The following MYT1L variants were observed in gnomAD, a reference collection of about 807,000 sequenced individuals.
MYT1L encodes myelin transcription factor 1-like protein.
A neutral mutation model predicts 126.7 loss-of-function variants in MYT1L; 12 were observed. The observed-to-expected ratio is 0.09, with a 90% CI of 0.06 to 0.15. MYT1L has a LOEUF of 0.15. Among genes scored for constraint, MYT1L ranks in the 10% least tolerant of loss-of-function variants. The pLI, the probability that MYT1L is intolerant of heterozygous loss-of-function variation, is 1.00. For missense variants in MYT1L, 979 were observed against 1,585.2 expected (o/e 0.62, Z 6.49); for synonymous variants, 541 against 604.2 (o/e 0.90, Z 1.53).
At chr2:2,310,272 T>C (rs1051484884) in intron 1 of MYT1L, among the ~76,000 whole-genome samples, 4 of 152,060 alleles carry the variant, frequency 2.6e-5, no homozygotes, top group African/African-American at 9.7e-5. Context: ...ATCAGAACAC[T>C]CTATGTAGAC....
In MYT1L at chr2:2,047,232, T is replaced by A. The variant is rs539731056; in HGVS notation, c.-158+6746A>T. ...GCAGTATCTATGTTTAAGTTTAATGTCTTACATGGACCTAAATATGCTCTT... is the reference window on the plus strand; with the variant it reads ...GCAGTATCTATGTTTAAGTTTAATGACTTACATGGACCTAAATATGCTCTT... On this transcript the variant is annotated intron_variant, in intron 4 of 24. Coordinates refer to ENST00000647738, the MANE Select transcript of MYT1L (RefSeq NM_001303052.2). Among the ~76,000 whole-genome samples the A allele has an allele frequency of 2.6e-5, 4 of 152,358 alleles. No homozygotes were observed. The East Asian group carries it at 7.7e-4, about 29-fold the overall frequency.
rs1014932497 is a variant in MYT1L at position 2,224,485 on chromosome 2, T to G, written c.-420-51497A>C. ...AAAAGGAATTAGATTAGGTTCAGCC[T>G]CATCGCACCCCATGCCATAACTATT... is the stretch of plus-strand genomic sequence containing the variant. On this transcript the variant is annotated intron_variant, in intron 2 of 24. Transcript: ENST00000647738. The surrounding 1 kb of genome is among the most constrained non-coding windows in gnomAD (Gnocchi z 4.0). Among the ~76,000 whole-genome samples, 1 of 152,132 alleles carries G rather than the reference T, an allele frequency of 6.6e-6. No homozygotes were observed. Among genetic ancestry groups the G allele is most frequent in the South Asian group, 2.1e-4 (1 of 4,824 alleles).
At chr2:1,897,276 G>A (rs937393388) in intron 14 of MYT1L, among the ~76,000 whole-genome samples, 8 of 152,142 alleles carry the variant, frequency 5.3e-5, no homozygotes, top group African/African-American at 1.9e-4. Context: ...AGTATCTTTT[G>A]GACCACAATC....
In MYT1L at chr2:2,180,883, T is replaced by A. The variant is rs1453141097; in HGVS notation, c.-420-7895A>T. The stretch of plus-strand genomic sequence containing the variant: ...CTGTGTGTGCACCTGTATCCGTACC[T>A]GTGTGTGTACCTCTGTGCTTGTGTA... On this transcript the variant is annotated intron_variant, in intron 2 of 24. Transcript: ENST00000647738. Among the ~76,000 whole-genome samples the A allele has an allele frequency of 4.0e-5, 6 of 148,634 alleles. No individual in the cohort carries two copies. The East Asian group carries it at 1.2e-3, about 29-fold the overall frequency.
intron 14 of MYT1L, among the ~76,000 whole-genome samples, chr2:1,894,073 T>C (rs1487681272): frequency 3.9e-5 from 6 of 152,232 alleles, no homozygotes; most frequent in Non-Finnish European, 8.8e-5. Context: ...ACAAAACCCA[T>C]GAAATACAAT....
At chr2:1,884,183 A>C (rs926614763) in intron 18 of MYT1L, 1 of 152,238 alleles carries the variant, frequency 6.6e-6, no homozygotes, top group African/African-American at 2.4e-5. Context: ...TGTATTGTAG[A>C]GAATAATTTT....
chr2:2,293,953 C>A (rs1221579603), intron 1 of MYT1L, among the ~76,000 whole-genome samples: 1 of 152,120 alleles, frequency 6.6e-6, no homozygotes, highest in South Asian at 2.1e-4. Flanking sequence ...GGGAAGGCAA[C>A]GGCCACCAGC....
chr2:1,934,035 T>A (rs563498316), intron 9 of MYT1L, among the ~76,000 whole-genome samples: 1 of 141,730 alleles, frequency 7.1e-6, no homozygotes, highest in Non-Finnish European at 1.5e-5. Flanking sequence ...AGTGCAGTGG[T>A]GCGATCTCGG....
intron 4 of MYT1L, among the ~76,000 whole-genome samples, chr2:2,036,862 A>G (rs1329166081): frequency 6.6e-6 from 1 of 152,088 alleles, no homozygotes. Context: ...AGCTTCCACC[A>G]CACTTCAATT....
intron 2 of MYT1L, among the ~76,000 whole-genome samples, chr2:2,212,430 T>C (rs1238903563): frequency 6.6e-6 from 1 of 152,200 alleles, no homozygotes; most frequent in Non-Finnish European, 1.5e-5. Context: ...ATACATACTA[T>C]TTTATAACAA....
Position 1,809,172 on chromosome 2 carries a change from G to A in MYT1L, c.3081-5C>T. 3 of 1,613,854 alleles carry A rather than the reference G, an allele frequency of 1.9e-6. No individual in the cohort carries two copies. The highest frequency in any genetic ancestry group is 2.5e-6 in the Non-Finnish European group (3 of 1,179,732). ...GCTCTCGGGCATCCTGACAAGCTGTGGACAAGACACAGGACGGCCATTAGT... is the reference window on the plus strand; with the variant it reads ...GCTCTCGGGCATCCTGACAAGCTGTAGACAAGACACAGGACGGCCATTAGT... On this transcript the variant is annotated splice_region_variant and splice_polypyrimidine_tract_variant and intron_variant, in intron 21 of 24. Transcript: ENST00000647738.
At chr2:2,274,537 A>G (rs1009647497) in intron 2 of MYT1L, among the ~76,000 whole-genome samples, 2 of 152,198 alleles carry the variant, frequency 1.3e-5, no homozygotes, top group African/African-American at 4.8e-5. Flanking sequence ...CTCTATTGCT[A>G]GTATTGGAAG....
chr2:2,005,578 G>T (rs1171559175), intron 4 of MYT1L, among the ~76,000 whole-genome samples: 1 of 150,350 alleles, frequency 6.7e-6, no homozygotes, highest in Non-Finnish European at 1.5e-5. Context: ...TTTCCTGCAT[G>T]CATTCTTTCC....
At chr2:1,975,634 C>T (rs1260221829) in intron 8 of MYT1L, among the ~76,000 whole-genome samples, 4 of 152,050 alleles carry the variant, frequency 2.6e-5, no homozygotes, top group South Asian at 2.1e-4. Context: ...GAGGCTGAGG[C>T]GGGTGGATCA....
intron 14 of MYT1L, among the ~76,000 whole-genome samples, chr2:1,898,539 C>T (rs2049917165): frequency 6.6e-6 from 1 of 152,246 alleles, no homozygotes; most frequent in African/African-American, 2.4e-5. Flanking sequence ...GCCTGCCTGG[C>T]CTGCCCTGGC....
intron 8 of MYT1L, among the ~76,000 whole-genome samples, chr2:1,958,420 G>A (rs779949861): frequency 6.6e-5 from 10 of 152,114 alleles, no homozygotes; most frequent in East Asian, 3.9e-4. Context: ...GCGGGAGGAC[G>A]AGGATGTGGC....
chr2:2,211,922 T>C (rs1024076022), intron 2 of MYT1L, among the ~76,000 whole-genome samples: 5 of 151,972 alleles, frequency 3.3e-5, no homozygotes, highest in African/African-American at 1.2e-4. Flanking sequence ...CATTACAAAG[T>C]ATTATAAAAT....
In MYT1L at chr2:1,910,647, G is replaced by A. The variant is rs2051832261; in HGVS notation, c.1710-300C>T. Among the ~76,000 whole-genome samples the A allele has an allele frequency of 6.6e-6, 1 of 152,120 alleles. No homozygotes were observed. The highest frequency in any genetic ancestry group is 1.5e-5 in the Non-Finnish European group (1 of 68,026). ...CCCATGCATTCGGGAGGACATAGCT[G>A]GTGAAAACTGTAGACAGATTCCATT... On this transcript the variant is annotated intron_variant, in intron 12 of 24. Transcript: ENST00000647738. The surrounding 1 kb of genome is among the most constrained non-coding windows in gnomAD (Gnocchi z 4.8).
intron 3 of MYT1L, among the ~76,000 whole-genome samples, chr2:2,095,853 ATACG>A (rs1315665407): frequency 6.6e-6 from 1 of 152,188 alleles, no homozygotes; most frequent in Admixed American, 6.5e-5. Context: ...CTGTGGTCAG[ATACG>A]GCGTCCTCTG....
Sources: allele counts gnomAD v4.1 joint callset (sites outside exome capture counted in the v4.1 genomes callset), GRCh38; gene constraint gnomAD v4.1.1; non-coding constraint Gnocchi (gnomAD v3.1); transcripts MANE v1.5; gene names NCBI Gene and HGNC (gene_info 2026-07-23, HGNC 2026-07-21).